Variants in KCNH5 observed in about 807,000 individuals in gnomAD.
The protein encoded by KCNH5 is potassium voltage-gated channel subfamily H member 5, also known as voltage-gated delayed rectifier potassium channel KCNH5.
KCNH5 carries 46 observed loss-of-function variants against 96.1 expected under a neutral mutation model. The observed-to-expected ratio is 0.48, with a 90% CI of 0.38 to 0.61. The LOEUF (loss-of-function observed/expected upper bound fraction) is 0.61, where lower values mean the gene tolerates loss of function less well. Among genes scored for constraint, KCNH5 ranks in the 20% least tolerant of loss-of-function variants. The pLI is 0.00. For missense variants in KCNH5, 907 were observed against 1,225.8 expected (o/e 0.74, Z 3.88); for synonymous variants, 439 against 449.8 (o/e 0.98, Z 0.30).
chr14:62,912,695 C>T (rs1015102736), intron 7 of KCNH5, among the ~76,000 whole-genome samples: 7 of 152,098 alleles, frequency 4.6e-5, no homozygotes, highest in African/African-American at 1.7e-4. Context: ...CGTGAGCCAC[C>T]GTACCTGGCC....
chr14:62,780,153 A>G (rs1886180261), intron 9 of KCNH5, among the ~76,000 whole-genome samples: 1 of 152,226 alleles, frequency 6.6e-6, no homozygotes, highest in Non-Finnish European at 1.5e-5. Context: ...GAATAAATGG[A>G]TCCAACAGAG....
rs1206013993 is a variant in KCNH5, at chr14:62,707,456, A to G, written c.*52T>C. The G allele has an allele frequency of 3.3e-6, 3 of 910,926 alleles. No homozygotes were observed. The East Asian group carries it at 9.3e-5, about 28-fold the overall frequency. The allele number at this position is 910,926 out of a possible 1,614,324, so 56.4% of individuals were successfully genotyped here. ...ATATATATGTATATACTGTATATAC[A>G]CACATATGTATATACTGTTTTAATA... On this transcript the variant is annotated 3_prime_UTR_variant, in exon 11 of 11. Transcript: ENST00000322893.
intron 5 of KCNH5, among the ~76,000 whole-genome samples, 192 bp from the exon 6 acceptor site, chr14:62,981,456 T>C (rs1242752490): frequency 6.6e-6 from 1 of 152,204 alleles, no homozygotes; most frequent in Non-Finnish European, 1.5e-5. Context: ...AGCTGATCTT[T>C]CTGCTGTTCT....
chr14:62,796,943 C>CA (rs1886553760), intron 9 of KCNH5, among the ~76,000 whole-genome samples: 1 of 152,070 alleles, frequency 6.6e-6, no homozygotes, highest in African/African-American at 2.4e-5. Context: ...TTAGCCTTTC[C>CA]AAAGGAGGCA....
intron 2 of KCNH5, among the ~76,000 whole-genome samples, chr14:63,014,292 G>T (rs1197844544): frequency 6.6e-6 from 1 of 152,106 alleles, no homozygotes. Flanking sequence ...GAGCATGTGA[G>T]ACCTAGGTTA....
chr14:62,799,716 TATATATATATAC>T (rs1321266678), intron 9 of KCNH5, among the ~76,000 whole-genome samples: 91 of 113,330 alleles, frequency 8.0e-4, no homozygotes, highest in African/African-American at 2.6e-3. Flanking sequence ...TATATATATA[TATATATATATAC>T]ACACACACAC....
intron 5 of KCNH5, among the ~76,000 whole-genome samples, chr14:62,986,185 T>C (rs1890703524): frequency 6.6e-6 from 1 of 152,148 alleles, no homozygotes; most frequent in Non-Finnish European, 1.5e-5. Context: ...AGCAGGAGTT[T>C]TTAATCATTT....
chr14:62,987,213 A>C (rs1200156762), intron 4 of KCNH5, 26 bp from the exon 5 acceptor site: 9 of 1,493,564 alleles, frequency 6.0e-6, no homozygotes, highest in Non-Finnish European at 8.4e-6. Context: ...AGAAAGTCTC[A>C]GTTTTTCATA....
At position 62,705,275 on chromosome 14, in the gene KCNH5, ATAGT is replaced by A. The variant is rs1039817249; in HGVS notation, c.*2229_*2232del. On this transcript the variant is annotated 3_prime_UTR_variant, in exon 11 of 11. Transcript: ENST00000322893. ...GTCATTCTTTTATAGCTTTACACCA[ATAGT>A]TAGTTTTGAAGCACTGGCTAAAGTT... 30 of 152,018 alleles carry A rather than the reference ATAGT, an allele frequency of 2.0e-4. No individual in the cohort carries two copies. Among genetic ancestry groups the A allele is most frequent in the Admixed American group, 6.6e-5 (1 of 15,258 alleles). 9.4% of individuals were successfully genotyped at this position (152,018 alleles called of 1,614,324 possible).
intron 1 of KCNH5, among the ~76,000 whole-genome samples, chr14:63,029,401 A>C (rs1273224491): frequency 6.6e-6 from 1 of 152,160 alleles, no homozygotes; most frequent in Non-Finnish European, 1.5e-5. Context: ...AGTTACGGAG[A>C]CTAAATAAAG....
At chr14:63,032,903 T>C (rs1205893943) in intron 1 of KCNH5, among the ~76,000 whole-genome samples, 1 of 152,166 alleles carries the variant, frequency 6.6e-6, no homozygotes, top group African/African-American at 2.4e-5. Flanking sequence ...TTCCAGTTTT[T>C]CCCATCTCAA....
intron 3 of KCNH5, 50 bp downstream of exon 3, chr14:63,006,316 A>T (rs182932730): frequency 6.0e-6 from 7 of 1,169,306 alleles, no homozygotes; most frequent in Non-Finnish European, 8.9e-6. Context: ...CTTACCAAAC[A>T]TAATATTAAT....
intron 9 of KCNH5, among the ~76,000 whole-genome samples, chr14:62,800,629 C>A (rs1399166594): frequency 6.6e-6 from 1 of 152,208 alleles, no homozygotes; most frequent in Admixed American, 6.5e-5. Flanking sequence ...TTCCTACCCA[C>A]GTTTGATGTG....
At chr14:62,822,545 G>A (rs1400060085) in intron 8 of KCNH5, among the ~76,000 whole-genome samples, 4 of 152,074 alleles carry the variant, frequency 2.6e-5, no homozygotes, top group Admixed American at 6.6e-5. Flanking sequence ...CAACTGTGCT[G>A]GAGAAATTAG....
chr14:62,816,608 T>C (rs576166833), intron 8 of KCNH5, among the ~76,000 whole-genome samples: 2 of 152,088 alleles, frequency 1.3e-5, no homozygotes, highest in Non-Finnish European at 2.9e-5. Flanking sequence ...ACCACTGAAA[T>C]AGACAAAAAA....
At chr14:63,001,566 G>C (rs1891012126) in intron 3 of KCNH5, 107 bp from the exon 4 acceptor site, 8 of 1,008,176 alleles carry the variant, frequency 7.9e-6, no homozygotes, top group Non-Finnish European at 1.1e-5. Context: ...AGCTGTGCCA[G>C]GAATCAACAC....
At position 62,713,460 on chromosome 14, in the gene KCNH5, T is replaced by C. The variant is rs141111832; in HGVS notation, c.2020-5005A>G. Among the ~76,000 whole-genome samples, 548 of 152,362 alleles carry C rather than the reference T, an allele frequency of 3.6e-3. 6 individuals carry two copies. Among genetic ancestry groups the C allele is most frequent in the African/African-American group, 0.013 (523 of 41,596 alleles). On this transcript the variant is annotated intron_variant, in intron 10 of 10. Coordinates refer to ENST00000322893, the MANE Select transcript of KCNH5 (RefSeq NM_139318.5). ...CATTGAAAGGTCTTGAATCAGAACC[T>C]GCTTTGATTTCATTGCAAGGATGCA...
At chr14:62,881,991 A>G (rs1888501472) in intron 7 of KCNH5, among the ~76,000 whole-genome samples, 1 of 151,534 alleles carries the variant, frequency 6.6e-6, no homozygotes, top group Admixed American at 6.6e-5. Context: ...GGCCAGGCAC[A>G]GTGGCTCAAT....
chr14:63,008,710 C>T (rs757263386), intron 2 of KCNH5, among the ~76,000 whole-genome samples: 50 of 152,156 alleles, frequency 3.3e-4, no homozygotes, highest in Admixed American at 2.3e-3. Context: ...TCTAGACTAA[C>T]ACAGGAAACC....
Sources: gnomAD v4.1 joint callset for allele counts (sites outside exome capture counted in the v4.1 genomes callset) on GRCh38, gnomAD v4.1.1 for gene constraint, MANE v1.5 for transcripts, NCBI Gene and HGNC (gene_info 2026-07-23, HGNC 2026-07-21) for gene names.